SUSD5: variants seen among roughly 807,000 people sequenced by gnomAD.
SUSD5 encodes sushi domain-containing protein 5.
A neutral mutation model predicts 29.5 loss-of-function variants in SUSD5; 33 were observed. The ratio of observed to expected loss-of-function variants is 1.12; its 90% confidence interval spans 0.85 to 1.49. The LOEUF (loss-of-function observed/expected upper bound fraction) is 1.49. Among genes scored for constraint, SUSD5 ranks in the 40% most tolerant of loss-of-function variants. The probability of loss-of-function intolerance (pLI) is 0.00; values close to 1 mark genes in which losing one functional copy is unlikely to be tolerated. For synonymous variants in SUSD5, 308 were observed against 325.3 expected (o/e 0.95, Z 0.57); for missense variants, 776 against 800.6 (o/e 0.97, Z 0.37).
intron 4 of SUSD5, among the ~76,000 whole-genome samples, chr3:33,161,075 C>G (rs1227332362): frequency 6.6e-6 from 1 of 152,176 alleles, no homozygotes; most frequent in Non-Finnish European, 1.5e-5. Flanking sequence ...ATTTCTTACT[C>G]TATGAAAATG....
chr3:33,154,359 A>T (rs2031000843), intron 4 of SUSD5, among the ~76,000 whole-genome samples: 1 of 152,050 alleles, frequency 6.6e-6, no homozygotes. Flanking sequence ...CCCATCTCTA[A>T]TAAAATACAA....
At position 33,211,839 on chromosome 3, in the gene SUSD5, A is replaced by G. The variant is rs893637199; in HGVS notation, c.290+2089T>C. On this transcript the variant is annotated intron_variant, in intron 2 of 4. Transcript: ENST00000309558. ...ACCAATATCCTGAAGCATTCTTCCT[A>G]TGTTTTCTTCTAGTAGTTTTATAGT... Among the ~76,000 whole-genome samples the G allele has an allele frequency of 3.3e-5, 5 of 152,116 alleles. No individual in the cohort carries two copies. In the East Asian group the frequency reaches 7.7e-4, roughly 23 times the overall value.
chr3:33,196,200 T>C (rs77966806), intron 3 of SUSD5, among the ~76,000 whole-genome samples: 2,007 of 152,170 alleles, frequency 0.013, 42 homozygotes, highest in East Asian at 0.083. Flanking sequence ...ATGGCTAAAT[T>C]GGAATTGAAT....
chr3:33,185,545 T>C (rs985857306), intron 3 of SUSD5, among the ~76,000 whole-genome samples: 8 of 152,198 alleles, frequency 5.3e-5, no homozygotes, highest in Non-Finnish European at 1.0e-4. Context: ...TGTGATTATC[T>C]GTTTTTACCT....
chr3:33,190,813 GAGA>G (rs2031874776), intron 3 of SUSD5, among the ~76,000 whole-genome samples: 1 of 152,158 alleles, frequency 6.6e-6, no homozygotes, highest in Non-Finnish European at 1.5e-5. Flanking sequence ...TCATTAAGCA[GAGA>G]AGATTTACTC....
At chr3:33,191,181 G>A (rs2031882589) in intron 3 of SUSD5, among the ~76,000 whole-genome samples, 1 of 151,596 alleles carries the variant, frequency 6.6e-6, no homozygotes, top group Non-Finnish European at 1.5e-5. Flanking sequence ...CCAGGCTGGA[G>A]TGCAGTGGCA....
chr3:33,154,251 G>C (rs554324592), intron 4 of SUSD5, among the ~76,000 whole-genome samples: 2 of 152,302 alleles, frequency 1.3e-5, no homozygotes, highest in Non-Finnish European at 1.5e-5. Flanking sequence ...GGCCGGGCAT[G>C]GTGGCTCACA....
rs1475972339 is a variant in SUSD5 at position 33,150,754 on chromosome 3, TGGCAG to T, written c.*1983_*1987del. On this transcript the variant is annotated 3_prime_UTR_variant, in exon 5 of 5. Transcript: ENST00000309558. ...TTTTCCAAAGCTTGCTGAAAAGAGG[TGGCAG>T]GGTAGAAAACATGTTGCGAATGTTT... The T allele has an allele frequency of 6.6e-6, 1 of 152,106 alleles. No individual in the cohort carries two copies. Among genetic ancestry groups the T allele is most frequent in the Non-Finnish European group, 1.5e-5 (1 of 68,006 alleles). The allele number at this position is 152,106 out of a possible 1,614,324, so 9.4% of individuals were successfully genotyped here.
intron 3 of SUSD5, among the ~76,000 whole-genome samples, chr3:33,184,210 G>C (rs2031735231): frequency 6.6e-6 from 1 of 151,932 alleles, no homozygotes; most frequent in South Asian, 2.1e-4. Flanking sequence ...AAAGTGCTGG[G>C]ATTTAAGGCA....
At chr3:33,197,583 T>C (rs1393676325) in intron 3 of SUSD5, among the ~76,000 whole-genome samples, 1 of 152,088 alleles carries the variant, frequency 6.6e-6, no homozygotes, top group Non-Finnish European at 1.5e-5. Context: ...TATAGAACAA[T>C]TCTTAAAAGC....
At chr3:33,214,805 G>A (rs751451435) in intron 1 of SUSD5, among the ~76,000 whole-genome samples, 11 of 152,108 alleles carry the variant, frequency 7.2e-5, no homozygotes, top group Admixed American at 2.6e-4. Context: ...AGGAAACCAC[G>A]GTACCGGAGG....
chr3:33,193,584 T>C (rs2031939967), intron 3 of SUSD5, among the ~76,000 whole-genome samples: 2 of 152,022 alleles, frequency 1.3e-5, no homozygotes, highest in Admixed American at 6.6e-5. Flanking sequence ...TCTGGAGAGA[T>C]TAGGCTTGAG....
intron 3 of SUSD5, among the ~76,000 whole-genome samples, chr3:33,179,921 T>C (rs1235302298): frequency 6.6e-6 from 1 of 152,196 alleles, no homozygotes; most frequent in Non-Finnish European, 1.5e-5. Flanking sequence ...GATGTAGCCA[T>C]TGTAAAATCA....
intron 3 of SUSD5, among the ~76,000 whole-genome samples, chr3:33,206,703 C>T (rs147107257): frequency 1.3e-5 from 2 of 152,116 alleles, no homozygotes; most frequent in African/African-American, 4.8e-5. Context: ...GGATTTGGTG[C>T]CTCTGGGATG....
intron 4 of SUSD5, chr3:33,168,579 C>T: frequency 2.0e-6 from 2 of 985,474 alleles, no homozygotes; most frequent in African/African-American, 1.7e-5. Context: ...CGTTCTCCTC[C>T]CCATCTCAGG....
chr3:33,186,266 C>T (rs999471400), intron 3 of SUSD5, among the ~76,000 whole-genome samples: 5 of 151,288 alleles, frequency 3.3e-5, no homozygotes, highest in African/African-American at 1.2e-4. Flanking sequence ...TGCGCCACTG[C>T]ACTCCAGCCT....
chr3:33,181,395 G>T (rs999690198), intron 3 of SUSD5, among the ~76,000 whole-genome samples: 1 of 148,054 alleles, frequency 6.8e-6, no homozygotes, highest in East Asian at 1.9e-4. Context: ...TTTTGTTTTG[G>T]GGGTGGGGAG....
intron 3 of SUSD5, among the ~76,000 whole-genome samples, chr3:33,187,907 G>T (rs1458960810): frequency 6.8e-6 from 1 of 147,914 alleles, no homozygotes; most frequent in Non-Finnish European, 1.5e-5. Context: ...TGCAGTGTTT[G>T]GTTTTTTGTC....
intron 3 of SUSD5, among the ~76,000 whole-genome samples, chr3:33,207,412 C>T (rs1469041629): frequency 3.3e-5 from 5 of 152,016 alleles, no homozygotes; most frequent in African/African-American, 1.2e-4. Flanking sequence ...TGTGCACACA[C>T]GAAAAAACAG....
Sources: allele counts gnomAD v4.1 joint callset (sites outside exome capture counted in the v4.1 genomes callset), GRCh38; gene constraint gnomAD v4.1.1; transcripts MANE v1.5; gene names NCBI Gene and HGNC (gene_info 2026-07-23, HGNC 2026-07-21).